PDE11A: variants seen among roughly 807,000 people sequenced by gnomAD.
PDE11A encodes the protein phosphodiesterase 11A.
In PDE11A, 100 loss-of-function variants were observed where a neutral mutation model predicts 100.5. The observed-to-expected ratio is 1.00, with a 90% confidence interval of 0.85 to 1.18. The LOEUF (loss-of-function observed/expected upper bound fraction) is 1.18, where lower values mean the gene tolerates loss of function less well. Among genes scored for constraint, PDE11A ranks in the 50% most tolerant of loss-of-function variants. The pLI is 0.00. For missense variants in PDE11A, 1,141 were observed against 1,152.6 expected, an observed-to-expected ratio of 0.99 and a Z score of 0.15; for synonymous variants, 381 against 420.8, an observed-to-expected ratio of 0.91 and a Z score of 1.16.
chr2:177,945,472 G>A (rs574968296), intron 2 of PDE11A, among the ~76,000 whole-genome samples: 4 of 136,188 alleles, frequency 2.9e-5, no homozygotes, highest in Non-Finnish European at 4.8e-5. Flanking sequence ...CTGCCCCGCC[G>A]CCCCATCTGG....
chr2:177,939,363 G>C (rs757995366), intron 2 of PDE11A, among the ~76,000 whole-genome samples: 1 of 144,250 alleles, frequency 6.9e-6, no homozygotes, highest in African/African-American at 2.6e-5. Flanking sequence ...GAAGGAGGGA[G>C]AGAGTGAGGA....
chr2:177,797,024 C>G (rs1300788967), intron 9 of PDE11A: 1 of 152,196 alleles, frequency 6.6e-6, no homozygotes, highest in African/African-American at 2.4e-5. Flanking sequence ...AGGAGGAGGA[C>G]AATACATTTC....
intron 14 of PDE11A, among the ~76,000 whole-genome samples, chr2:177,700,867 T>A (rs1204504874): frequency 6.6e-6 from 1 of 152,304 alleles, no homozygotes; most frequent in Admixed American, 6.5e-5. Context: ...TCTATATCTG[T>A]TACCCTGCTA....
chr2:177,818,410 A>T (rs4522644), intron 7 of PDE11A, among the ~76,000 whole-genome samples: 61,236 of 151,230 alleles, frequency 0.4, 14,208 homozygotes, highest in African/African-American at 0.64. Context: ...ATGATCTGAG[A>T]TCAAATTTCA....
At chr2:177,871,319 C>T (rs17401293) in intron 5 of PDE11A, among the ~76,000 whole-genome samples, 9,490 of 151,964 alleles carry the variant, frequency 0.062, 312 homozygotes, top group South Asian at 0.091. Context: ...GCACAAATGA[C>T]CCAGCCTGTC....
intron 2 of PDE11A, among the ~76,000 whole-genome samples, chr2:177,918,312 C>T (rs2084984540): frequency 6.6e-6 from 1 of 152,200 alleles, no homozygotes; most frequent in Admixed American, 6.5e-5. Flanking sequence ...TTCTACTTTC[C>T]ACCCATATTC....
chr2:177,832,594 T>TATC (rs2083330034), intron 6 of PDE11A, among the ~76,000 whole-genome samples: 2 of 151,710 alleles, frequency 1.3e-5, no homozygotes, highest in Non-Finnish European at 2.9e-5. Flanking sequence ...TCTATCTATC[T>TATC]ATCTATCTCC....
intron 2 of PDE11A, among the ~76,000 whole-genome samples, chr2:177,935,069 T>C (rs752351504): frequency 1.3e-5 from 2 of 151,910 alleles, no homozygotes; most frequent in Non-Finnish European, 2.9e-5. Flanking sequence ...TATACCCAGG[T>C]AACAAAACTG....
chr2:178,107,873 C>A (rs373159857), intron 1 of PDE11A, among the ~76,000 whole-genome samples: 47 of 152,142 alleles, frequency 3.1e-4, no homozygotes, highest in African/African-American at 1.1e-3. Flanking sequence ...AGGCATGCAC[C>A]ACTATGCCTG....
intron 6 of PDE11A, among the ~76,000 whole-genome samples, chr2:177,836,756 A>G (rs1296610163): frequency 6.6e-6 from 1 of 152,180 alleles, no homozygotes; most frequent in Non-Finnish European, 1.5e-5. Context: ...CACCTGGAGG[A>G]ATGAACAACT....
At chr2:177,977,494 G>C (rs368565412) in intron 2 of PDE11A, among the ~76,000 whole-genome samples, 2 of 107,096 alleles carry the variant, frequency 1.9e-5, no homozygotes, top group African/African-American at 7.4e-5. Context: ...AATCAATATC[G>C]TGAAAATGGC....
chr2:177,895,108 T>C (rs2695093), intron 4 of PDE11A, among the ~76,000 whole-genome samples: 143,580 of 151,924 alleles, frequency 0.95, 68,366 homozygotes, highest in East Asian at 1. Context: ...ACATGTATAC[T>C]TGAACTTAAA....
chr2:177,922,267 T>C (rs1210209761), intron 2 of PDE11A, among the ~76,000 whole-genome samples: 1 of 152,084 alleles, frequency 6.6e-6, no homozygotes, highest in Non-Finnish European at 1.5e-5. Flanking sequence ...TACTCAATAT[T>C]TTCACTTAGA....
chr2:177,841,457 T>A (rs1473331049), intron 5 of PDE11A, among the ~76,000 whole-genome samples: 5 of 152,216 alleles, frequency 3.3e-5, no homozygotes, highest in Admixed American at 2.6e-4. Flanking sequence ...CATCACTCTA[T>A]TGACTTTTTA....
upstream of PDE11A, among the ~76,000 whole-genome samples, chr2:178,073,839 T>C (rs1458153143): frequency 6.6e-6 from 1 of 152,090 alleles, no homozygotes; most frequent in Non-Finnish European, 1.5e-5. Context: ...TTCAGTCACA[T>C]CATGGAGTTT....
chr2:177,878,462 G>T (rs1371420902), intron 4 of PDE11A, among the ~76,000 whole-genome samples: 1 of 152,024 alleles, frequency 6.6e-6, no homozygotes, highest in African/African-American at 2.4e-5. Context: ...TGTGTGCTTG[G>T]AGCCCTCGGT....
intron 19 of PDE11A, among the ~76,000 whole-genome samples, chr2:177,650,026 T>C (rs1415028137): frequency 6.6e-6 from 1 of 152,198 alleles, no homozygotes; most frequent in Non-Finnish European, 1.5e-5. Flanking sequence ...AATTTAGTGC[T>C]TTACCACCAT....
intron 1 of PDE11A, among the ~76,000 whole-genome samples, chr2:178,106,697 C>T (rs2087621369): frequency 1.3e-5 from 2 of 152,080 alleles, no homozygotes; most frequent in South Asian, 4.1e-4. Context: ...TGGTAGCTCA[C>T]ACCTGTAATC....
At chr2:178,012,441 A>C (rs1427318887) in intron 2 of PDE11A, among the ~76,000 whole-genome samples, 1 of 152,188 alleles carries the variant, frequency 6.6e-6, no homozygotes, top group East Asian at 1.9e-4. Flanking sequence ...TGATGATCTT[A>C]TTTAACTCTC....
Sources: gnomAD v4.1 joint callset for allele counts (sites outside exome capture counted in the v4.1 genomes callset) on GRCh38, gnomAD v4.1.1 for gene constraint, MANE v1.5 for transcripts, NCBI Gene and HGNC (gene_info 2026-07-23, HGNC 2026-07-21) for gene names.